ALDH1L2: variants seen among roughly 807,000 people sequenced by gnomAD.
ALDH1L2 encodes aldehyde dehydrogenase 1 family member L2, also known as mitochondrial 10-formyltetrahydrofolate dehydrogenase.
ALDH1L2 carries 91 observed loss-of-function variants against 111.0 expected under a neutral mutation model. The ratio of observed to expected loss-of-function variants is 0.82; its 90% CI spans 0.69 to 0.98. The LOEUF is 0.98. ALDH1L2 is among the 50% of genes least tolerant of loss of function. The pLI, the probability that ALDH1L2 is intolerant of heterozygous loss-of-function variation, is 0.00. For missense variants in ALDH1L2, 995 were observed against 1,126.8 expected, an observed-to-expected ratio of 0.88 and a Z score of 1.67; for synonymous variants, 374 against 392.6, an observed-to-expected ratio of 0.95 and a Z score of 0.56.
chr12:105,051,572 G>A (rs1592784792), intron 12 of ALDH1L2, among the ~76,000 whole-genome samples: 1 of 152,086 alleles, frequency 6.6e-6, no homozygotes, highest in East Asian at 1.9e-4. Flanking sequence ...ACGTCTTTGT[G>A]AACAGTTCTT....
At position 105,021,400 on chromosome 12, in the gene ALDH1L2, C is replaced by T. The variant is rs2136039269; in HGVS notation, c.*3024G>A. 6.6e-6 allele frequency: 1 copy of T among 152,472 alleles called. No individual in the cohort carries two copies. The highest frequency in any genetic ancestry group is 3.3e-3 in the Middle Eastern group (1 of 304). The allele number at this position is 152,472 out of a possible 1,614,324, so 9.4% of individuals were successfully genotyped here. A position where few individuals can be genotyped will look rare whatever the true frequency, so the allele number is the denominator to read the frequency against. On this transcript the variant is annotated 3_prime_UTR_variant, in exon 23 of 23. Transcript: ENST00000258494. The stretch of plus-strand genomic sequence containing the variant: ...ATCACTTGAGGTCAGGAGTTCAAGA[C>T]CAGCCTGGCCAACATGGCGAAACCC...
chr12:105,038,273 CACACAA>C (rs759705624), intron 17 of ALDH1L2, 71 bp from the exon 18 acceptor site: 10,620 of 400,906 alleles, frequency 0.026, 101 homozygotes, highest in East Asian at 0.06. Flanking sequence ...CACACACACA[CACACAA>C]ACACACACAC....
At chr12:105,059,628 G>A (rs556012855) in intron 9 of ALDH1L2, among the ~76,000 whole-genome samples, 2 of 152,302 alleles carry the variant, frequency 1.3e-5, no homozygotes, top group East Asian at 3.9e-4. Context: ...ATGTGCTCTT[G>A]AAATGATTGT....
Position 105,055,357 on chromosome 12 carries a change from A to G in ALDH1L2, c.1288-2426T>C, listed in dbSNP as rs1640418352. The stretch of plus-strand genomic sequence containing the variant: ...CTTCAGTAGTGGCAAACAATAAAAA[A>G]TAAAGACTTTACAGAATTGTCAAGG... On this transcript the variant is annotated intron_variant, in intron 10 of 22. Coordinates refer to ENST00000258494, the MANE Select transcript of ALDH1L2 (RefSeq NM_001034173.4). 1.3e-5 allele frequency among the ~76,000 whole-genome samples: 2 copies of G among 152,244 alleles called. 1 individual carries two copies. Among genetic ancestry groups the G allele is most frequent in the African/African-American group, 4.8e-5 (2 of 41,466 alleles).
At chr12:105,037,481 T>A (rs1875227329) in intron 18 of ALDH1L2, among the ~76,000 whole-genome samples, 1 of 152,188 alleles carries the variant, frequency 6.6e-6, no homozygotes. Context: ...CTGTTCAGGT[T>A]GATGGGATGA....
intron 10 of ALDH1L2, among the ~76,000 whole-genome samples, chr12:105,054,326 C>T (rs1876482409): frequency 6.6e-6 from 1 of 152,204 alleles, no homozygotes; most frequent in East Asian, 1.9e-4. Flanking sequence ...TGAAAATCCA[C>T]TCCTTCATAA....
chr12:105,027,332 A>T (rs772916459), intron 21 of ALDH1L2, among the ~76,000 whole-genome samples: 8 of 152,196 alleles, frequency 5.3e-5, no homozygotes, highest in African/African-American at 1.7e-4. Flanking sequence ...CTCATTCATG[A>T]TCTCCCACTC....
intron 1 of ALDH1L2, among the ~76,000 whole-genome samples, chr12:105,082,692 G>A (rs913367504): frequency 3.9e-5 from 6 of 152,178 alleles, no homozygotes; most frequent in African/African-American, 1.4e-4. Flanking sequence ...GGGCAAATAA[G>A]GTTTCATTTC....
At position 105,021,822 on chromosome 12, in the gene ALDH1L2, T is replaced by C. The variant is rs1053786537; in HGVS notation, c.*2602A>G. ...ATATCTAATTAAGAAGGCAAGTAAT[T>C]TTAGTACAAGTGGTAAGTGCTATGT... On this transcript the variant is annotated 3_prime_UTR_variant, in exon 23 of 23. Transcript: ENST00000258494. The C allele has an allele frequency of 1.3e-5, 2 of 152,032 alleles. No individual in the cohort carries two copies. Among genetic ancestry groups the C allele is most frequent in the Non-Finnish European group, 2.9e-5 (2 of 68,030 alleles). 9.4% of individuals were successfully genotyped at this position (152,032 alleles called of 1,614,324 possible).
intron 2 of ALDH1L2, 50 bp from the exon 3 acceptor site, chr12:105,070,854 C>T: frequency 7.0e-7 from 1 of 1,421,554 alleles, no homozygotes; most frequent in East Asian, 2.3e-5. Context: ...CATAATTTTA[C>T]ATCACTATGA....
At chr12:105,054,975 A>T (rs1876524118) in intron 10 of ALDH1L2, among the ~76,000 whole-genome samples, 2 of 152,224 alleles carry the variant, frequency 1.3e-5, no homozygotes, top group African/African-American at 4.8e-5. Context: ...GCCACTAAAA[A>T]ATGGCTGACC....
intron 18 of ALDH1L2, 150 bp from the exon 19 acceptor site, chr12:105,034,548 G>T: frequency 1.6e-6 from 1 of 623,862 alleles, no homozygotes; most frequent in Non-Finnish European, 2.7e-6. Context: ...TTAGTGATGA[G>T]AGCTTCTTGG....
At position 105,019,920 on chromosome 12, in the gene ALDH1L2, A is replaced by C. The variant is rs1485387343; in HGVS notation, c.*4504T>G. On this transcript the variant is annotated 3_prime_UTR_variant, in exon 23 of 23. Coordinates refer to ENST00000258494, the MANE Select transcript of ALDH1L2 (RefSeq NM_001034173.4). Reference sequence around the variant, plus strand: ...ATACATATTCATAGAAAAAGTTTGGAACAATCTCAGATATCATCTGTAGGC... The same window carrying C: ...ATACATATTCATAGAAAAAGTTTGGCACAATCTCAGATATCATCTGTAGGC... 1 of 152,194 alleles carries C rather than the reference A, an allele frequency of 6.6e-6. No individual in the cohort carries two copies. The highest frequency in any genetic ancestry group is 1.5e-5 in the Non-Finnish European group (1 of 68,034). 9.4% of individuals were successfully genotyped at this position (152,194 alleles called of 1,614,324 possible).
intron 9 of ALDH1L2, among the ~76,000 whole-genome samples, chr12:105,059,909 C>T (rs1232279955): frequency 2.6e-5 from 4 of 152,196 alleles, no homozygotes; most frequent in Non-Finnish European, 1.5e-5. Context: ...TCTCTGTACC[C>T]ACCATCAAGG....
chr12:105,039,850 G>A, intron 16 of ALDH1L2, 44 bp from the exon 17 acceptor site: 1 of 1,575,252 alleles, frequency 6.3e-7, no homozygotes, highest in Non-Finnish European at 8.7e-7. Context: ...CATACTCAAG[G>A]CCGGGCGCGG....
At chr12:105,025,253 A>G (rs931177558) in intron 22 of ALDH1L2, among the ~76,000 whole-genome samples, 1 of 152,096 alleles carries the variant, frequency 6.6e-6, no homozygotes, top group Non-Finnish European at 1.5e-5. Context: ...CCCACATCAC[A>G]CCCCAGATCA....
In ALDH1L2 at chr12:105,058,095, T is replaced by G. The variant is rs1480626880; in HGVS notation, c.1265A>C (p.Glu422Ala). Residue 422 changes from glutamate (E) to alanine (A), a missense_variant, in exon 10 of 23, where the codon GAG becomes GCG. By Grantham distance (107) the Glu-to-Ala change is moderately radical (BLOSUM62 -1). Transcript: ENST00000258494. ...VVRKLRGEDQ[E>A]VELVVDYISK... ...TACATAATCTACAACCAGCTCCACC[T>G]CTTGATCTTCTCCTCTCAGTTTCCT... The G allele has an allele frequency of 3.7e-6, 6 of 1,613,120 alleles. No individual in the cohort carries two copies. Among genetic ancestry groups the G allele is most frequent in the Non-Finnish European group, 4.2e-6 (5 of 1,179,684 alleles).
Position 105,077,572 on chromosome 12 carries a change from C to A in ALDH1L2, c.49-3567G>T, listed in dbSNP as rs375210540. Among the ~76,000 whole-genome samples, 8 of 152,098 alleles carry A rather than the reference C, an allele frequency of 5.3e-5. No individual in the cohort carries two copies. In the East Asian group the frequency reaches 1.5e-3, roughly 29 times the overall value. ...AGGATTACAGGCGTGAGCCACCACG[C>A]CCGACCTTGTTTCTTTAGAGAGAAC... On this transcript the variant is annotated intron_variant, in intron 1 of 22. Transcript: ENST00000258494.
rs757828149 is a variant in ALDH1L2, at chr12:105,039,705, A to T, written c.2045+8T>A. The T allele has an allele frequency of 1.1e-5, 18 of 1,612,472 alleles. No individual in the cohort carries two copies. The highest frequency in any genetic ancestry group is 1.2e-5 in the Non-Finnish European group (14 of 1,178,678). On this transcript the variant is annotated splice_region_variant and intron_variant, in intron 17 of 22. Transcript: ENST00000258494. ...ATCTGCAGTGAATCAACATTTTAAA[A>T]CCAATACCTCTTCATGATCTGTTTG...
Sources: allele counts gnomAD v4.1 joint callset (sites outside exome capture counted in the v4.1 genomes callset), GRCh38; gene constraint gnomAD v4.1.1; transcripts MANE v1.5; gene names NCBI Gene and HGNC (gene_info 2026-07-23, HGNC 2026-07-21).